The following ANGPT2 variants were observed in gnomAD, a reference collection of about 807,000 sequenced individuals.
ANGPT2 encodes angiopoietin-2.
Under a neutral mutation model 62.9 loss-of-function variants are expected in ANGPT2, and 28 were observed. That is an observed-to-expected ratio of 0.44 (90% CI 0.33 to 0.61). The LOEUF is 0.61. Ranked by LOEUF, ANGPT2 falls within the 20% of genes least tolerant of loss-of-function variation. The probability of loss-of-function intolerance (pLI) is 0.03; values close to 1 mark genes in which losing one functional copy is unlikely to be tolerated. For synonymous variants in ANGPT2, 284 were observed against 207.8 expected (o/e 1.37, Z -3.15); for missense variants, 727 against 594.9 (o/e 1.22, Z -2.31).
In ANGPT2 at chr8:6,547,387, G is replaced by T. The variant is rs17077477; in HGVS notation, c.289-14900C>A. Among the ~76,000 whole-genome samples, 949 of 152,094 alleles carry T rather than the reference G, an allele frequency of 6.2e-3. 13 individuals are homozygous for T. Among genetic ancestry groups the T allele is most frequent in the African/African-American group, 0.021 (865 of 41,488 alleles). On this transcript the variant is annotated intron_variant, in intron 1 of 8. Transcript: ENST00000629816. ...CTCTTGCCTTGCATATGTGTCTCTT[G>T]CAATGGAAGCTAGTGGAAATTTCCT... is the stretch of plus-strand genomic sequence containing the variant.
intron 4 of ANGPT2, among the ~76,000 whole-genome samples, chr8:6,520,387 T>C (rs919329969): frequency 3.9e-5 from 6 of 152,202 alleles, no homozygotes; most frequent in African/African-American, 9.7e-5. Flanking sequence ...AACACTGTTA[T>C]CTGTATCATG....
At position 6,500,080 on chromosome 8, in the gene ANGPT2, A is replaced by G; in HGVS notation, c.*3021T>C. On this transcript the variant is annotated 3_prime_UTR_variant, in exon 9 of 9. Transcript: ENST00000629816. ...TTCACAGAACTTAACACCTTTTATC[A>G]ATTTATTCGCGAGAACAAATGTGAG... 1 of 696,284 alleles carries G rather than the reference A, an allele frequency of 1.4e-6. No homozygotes were observed. Among genetic ancestry groups the G allele is most frequent in the Middle Eastern group, 3.9e-4 (1 of 2,592 alleles). 43.1% of individuals were successfully genotyped at this position (696,284 alleles called of 1,614,324 possible). A position where few individuals can be genotyped will look rare whatever the true frequency, so the allele number is the denominator to read the frequency against.
At chr8:6,512,182 C>G (rs965211512) in intron 7 of ANGPT2, among the ~76,000 whole-genome samples, 2 of 152,166 alleles carry the variant, frequency 1.3e-5, no homozygotes, top group Admixed American at 6.5e-5. Context: ...ATCTGTTTCT[C>G]AAACATGCTT....
rs1313777839 is a variant in ANGPT2, at chr8:6,501,863, C to G, written c.*1238G>C. 6.6e-6 allele frequency: 1 copy of G among 151,266 alleles called. No individual in the cohort carries two copies. The highest frequency in any genetic ancestry group is 1.5e-5 in the Non-Finnish European group (1 of 67,874). The allele number at this position is 151,266 out of a possible 1,614,324, so 9.4% of individuals were successfully genotyped here. On this transcript the variant is annotated 3_prime_UTR_variant, in exon 9 of 9. Coordinates refer to ENST00000629816, the MANE Select transcript of ANGPT2 (RefSeq NM_001118887.2). Reference sequence around the variant, plus strand: ...GAGCCACTGCGCCCAGCCCTGTGTTCTCAAATTTTTGGTAAATATTTAAAT... The same window carrying G: ...GAGCCACTGCGCCCAGCCCTGTGTTGTCAAATTTTTGGTAAATATTTAAAT...
intron 5 of ANGPT2, among the ~76,000 whole-genome samples, chr8:6,519,021 G>T (rs1816816711): frequency 6.6e-6 from 1 of 152,142 alleles, no homozygotes; most frequent in South Asian, 2.1e-4. Context: ...CTGTGTTGTG[G>T]CTTTGCCTGC....
chr8:6,550,526 T>C (rs1050885172), intron 1 of ANGPT2, among the ~76,000 whole-genome samples: 1 of 152,210 alleles, frequency 6.6e-6, no homozygotes, highest in Non-Finnish European at 1.5e-5. Context: ...TGCTCACCAT[T>C]TCCCAGATTT....
intron 1 of ANGPT2, among the ~76,000 whole-genome samples, chr8:6,534,825 T>A (rs1297454465): frequency 6.6e-6 from 1 of 152,184 alleles, no homozygotes. Flanking sequence ...CCCCTGCCTT[T>A]ATAAAACTGT....
intron 1 of ANGPT2, among the ~76,000 whole-genome samples, chr8:6,541,293 C>A (rs572111663): frequency 5.3e-4 from 81 of 152,280 alleles, no homozygotes; most frequent in African/African-American, 1.8e-3. Flanking sequence ...CAGTGCCCAC[C>A]CCAAGTCTCA....
In ANGPT2 at chr8:6,499,751, G is replaced by T. The variant is rs1429157652; in HGVS notation, c.*3350C>A. On this transcript the variant is annotated 3_prime_UTR_variant, in exon 9 of 9. Coordinates refer to ENST00000629816, the MANE Select transcript of ANGPT2 (RefSeq NM_001118887.2). ...GAGAACACATCTATTTCAGATCTGC[G>T]GAGTGTATCACTTTTTGCTGTGTCT... 5.3e-6 allele frequency: 5 copies of T among 937,132 alleles called. No individual in the cohort carries two copies. The East Asian group carries it at 1.2e-4, about 22-fold the overall frequency. 58.1% of individuals were successfully genotyped at this position (937,132 alleles called of 1,614,324 possible).
intron 3 of ANGPT2, among the ~76,000 whole-genome samples, chr8:6,523,559 C>T (rs1817753989): frequency 1.3e-5 from 2 of 152,162 alleles, no homozygotes; most frequent in African/African-American, 4.8e-5. Flanking sequence ...CAAAGACATG[C>T]ACAGTCAAGG....
chr8:6,528,318 T>G (rs2515464), intron 2 of ANGPT2, among the ~76,000 whole-genome samples: 98,197 of 152,132 alleles, frequency 0.65, 32,289 homozygotes, highest in East Asian at 0.87. Context: ...AGTAGGAGTA[T>G]AAAATGGTCA....
intron 1 of ANGPT2, among the ~76,000 whole-genome samples, chr8:6,552,808 A>G (rs1288498680): frequency 6.9e-6 from 1 of 144,342 alleles, no homozygotes; most frequent in Non-Finnish European, 1.5e-5. Flanking sequence ...TTCTACAGTT[A>G]TTCCTGCTTT....
At chr8:6,558,897 T>C (rs921390860) in intron 1 of ANGPT2, among the ~76,000 whole-genome samples, 3 of 152,162 alleles carry the variant, frequency 2.0e-5, no homozygotes, top group Non-Finnish European at 4.4e-5. Flanking sequence ...ACTATACATA[T>C]ACATATCGCA....
In ANGPT2 at chr8:6,551,147, C is replaced by A. The variant is rs148529249; in HGVS notation, c.288+11500G>T. The stretch of plus-strand genomic sequence containing the variant: ...TCGAAGCTGACCATCTGTGCTGATG[C>A]TGACTTAGGATTTTAAATCACTTAA... On this transcript the variant is annotated intron_variant, in intron 1 of 8. Transcript: ENST00000629816. Among the ~76,000 whole-genome samples, 525 of 152,304 alleles carry A rather than the reference C, an allele frequency of 3.4e-3. 12 individuals are homozygous for A. The highest frequency in any genetic ancestry group is 0.03 in the Admixed American group (463 of 15,298).
chr8:6,546,650 T>C lies in ANGPT2; in HGVS notation c.289-14163A>G, dbSNP rs113943187. On this transcript the variant is annotated intron_variant, in intron 1 of 8. Transcript: ENST00000629816. ...GCTAACCGCTTAATACAAGCAACTG[T>C]TGGCCTAGAGATAAATAGAGAAAAA... Among the ~76,000 whole-genome samples, 614 of 152,308 alleles carry C rather than the reference T, an allele frequency of 4.0e-3. 8 individuals are homozygous for C. Among genetic ancestry groups the C allele is most frequent in the African/African-American group, 0.014 (586 of 41,554 alleles).
chr8:6,556,280 CAT>C (rs1302334012), intron 1 of ANGPT2, among the ~76,000 whole-genome samples: 2 of 152,098 alleles, frequency 1.3e-5, no homozygotes, highest in East Asian at 3.8e-4. Flanking sequence ...ATTTCAGAAT[CAT>C]ATAATTATAC....
Position 6,504,077 on chromosome 8 carries a change from G to C in ANGPT2, c.1328-816C>G, listed in dbSNP as rs945628841. Among the ~76,000 whole-genome samples the C allele has an allele frequency of 2.6e-5, 4 of 152,254 alleles. No homozygotes were observed. In the East Asian group the frequency reaches 7.7e-4, roughly 29 times the overall value. ...CTCACGCCTGTAATCCCAGCACTTT[G>C]GGAGGCCGAGGTGGGTGGATCACGA... On this transcript the variant is annotated intron_variant, in intron 8 of 8. Transcript: ENST00000629816.
rs527298782 is a variant in ANGPT2 at position 6,517,884 on chromosome 8, G to T, written c.927+1980C>A. On this transcript the variant is annotated intron_variant, in intron 5 of 8. Coordinates refer to ENST00000629816, the MANE Select transcript of ANGPT2 (RefSeq NM_001118887.2). Reference sequence around the variant, plus strand: ...GGAAGGGAATTTAGAAGTAACAATTGACACCACTTATTTTTCAAGATGAGA... The same window carrying T: ...GGAAGGGAATTTAGAAGTAACAATTTACACCACTTATTTTTCAAGATGAGA... 2.0e-5 allele frequency among the ~76,000 whole-genome samples: 3 copies of T among 152,290 alleles called. No homozygotes were observed. In the East Asian group the frequency reaches 5.8e-4, roughly 29 times the overall value.
At chr8:6,529,810 C>T (rs78615484) in intron 2 of ANGPT2, among the ~76,000 whole-genome samples, 1 of 151,592 alleles carries the variant, frequency 6.6e-6, no homozygotes. Context: ...CATGGAAAAA[C>T]TGCTTACTTT....
Sources: allele counts gnomAD v4.1 joint callset (sites outside exome capture counted in the v4.1 genomes callset), GRCh38; gene constraint gnomAD v4.1.1; transcripts MANE v1.5; gene names NCBI Gene and HGNC (gene_info 2026-07-23, HGNC 2026-07-21).